CCSER1: variants seen among roughly 807,000 people sequenced by gnomAD.
The protein encoded by CCSER1 is coiled-coil serine rich protein 1, also known as serine-rich coiled-coil domain-containing protein 1.
Under a neutral mutation model 82.0 loss-of-function variants are expected in CCSER1, and 41 were observed. The observed-to-expected ratio is 0.50, with a 90% CI of 0.39 to 0.65. CCSER1 has a LOEUF of 0.65. Ranked by LOEUF, CCSER1 falls within the 30% of genes least tolerant of loss-of-function variation. The pLI is 0.00. For missense variants in CCSER1, 1,119 were observed against 1,064.2 expected, an observed-to-expected ratio of 1.05 and a Z score of -0.72; for synonymous variants, 414 against 383.9, an observed-to-expected ratio of 1.08 and a Z score of -0.92.
intron 4 of CCSER1, among the ~76,000 whole-genome samples, chr4:90,436,926 C>A (rs375584270): frequency 2.3e-4 from 35 of 152,072 alleles, no homozygotes; most frequent in East Asian, 1.6e-3. Flanking sequence ...CCTGCCTCAG[C>A]CTCCCGAGTA....
chr4:91,093,778 T>G (rs772767091), intron 10 of CCSER1, among the ~76,000 whole-genome samples: 2 of 152,204 alleles, frequency 1.3e-5, no homozygotes, highest in Non-Finnish European at 2.9e-5. Context: ...GTTTTTCCTT[T>G]AACTTGCAAA....
chr4:90,312,553 T>G (rs776031947), intron 2 of CCSER1, among the ~76,000 whole-genome samples: 2 of 151,992 alleles, frequency 1.3e-5, no homozygotes, highest in Non-Finnish European at 2.9e-5. Context: ...CCAGCATAGA[T>G]TTGGTCCAGG....
chr4:90,664,354 A>C (rs904024775), intron 6 of CCSER1, among the ~76,000 whole-genome samples: 13 of 152,152 alleles, frequency 8.5e-5, no homozygotes, highest in African/African-American at 3.1e-4. Context: ...TCATAGATTA[A>C]ATTTTAATTT....
chr4:90,340,675 A>C (rs1741221075), intron 3 of CCSER1, among the ~76,000 whole-genome samples: 1 of 152,122 alleles, frequency 6.6e-6, no homozygotes, highest in Non-Finnish European at 1.5e-5. Context: ...TGTGCTTTAC[A>C]ATTTGGCAAT....
At chr4:91,078,773 A>G (rs1300848795) in intron 9 of CCSER1, among the ~76,000 whole-genome samples, 2 of 152,248 alleles carry the variant, frequency 1.3e-5, no homozygotes, top group African/African-American at 4.8e-5. Flanking sequence ...CACGAGAACT[A>G]CGTGATGAAT....
At chr4:91,174,498 G>A (rs1733098133) in intron 10 of CCSER1, among the ~76,000 whole-genome samples, 2 of 152,024 alleles carry the variant, frequency 1.3e-5, no homozygotes, top group Admixed American at 6.6e-5. Context: ...AGGACATGCA[G>A]GTTTGTTACA....
chr4:90,439,412 A>C (rs1381576081), intron 4 of CCSER1, among the ~76,000 whole-genome samples: 1 of 152,236 alleles, frequency 6.6e-6, no homozygotes, highest in Non-Finnish European at 1.5e-5. Context: ...CTTTGAAAGA[A>C]TATATCTTAA....
intron 1 of CCSER1, among the ~76,000 whole-genome samples, chr4:90,152,401 A>G (rs892161881): frequency 6.6e-6 from 1 of 152,164 alleles, no homozygotes; most frequent in Non-Finnish European, 1.5e-5. Flanking sequence ...AAGTGAGCCA[A>G]GGTTCATCCC....
chr4:90,821,017 G>A (rs1759658952), intron 8 of CCSER1, among the ~76,000 whole-genome samples: 1 of 152,018 alleles, frequency 6.6e-6, no homozygotes, highest in African/African-American at 2.4e-5. Flanking sequence ...GTGTTTAATG[G>A]TTTTCATTCC....
At chr4:91,001,810 G>A (rs890657809) in intron 9 of CCSER1, among the ~76,000 whole-genome samples, 2 of 152,150 alleles carry the variant, frequency 1.3e-5, no homozygotes, top group South Asian at 2.1e-4. Context: ...TTTGTTGCCT[G>A]TATACCTTTT....
intron 4 of CCSER1, among the ~76,000 whole-genome samples, chr4:90,425,203 A>G (rs1757355112): frequency 2.0e-5 from 3 of 152,118 alleles, no homozygotes; most frequent in Admixed American, 1.3e-4. Context: ...ACTTTCTATC[A>G]TATAAACACT....
At chr4:91,275,915 C>A (rs1742394385) in intron 10 of CCSER1, among the ~76,000 whole-genome samples, 1 of 152,046 alleles carries the variant, frequency 6.6e-6, no homozygotes, top group African/African-American at 2.4e-5. Context: ...ATTGAAGGGA[C>A]TCCTTTACTC....
At chr4:90,432,970 A>T in intron 4 of CCSER1, among the ~76,000 whole-genome samples, 1 of 152,006 alleles carries the variant, frequency 6.6e-6, no homozygotes, top group East Asian at 1.9e-4. Flanking sequence ...CAGTTCTTAG[A>T]CTTTCTTCCT....
chr4:90,328,629 T>C (rs1481038573), intron 3 of CCSER1, among the ~76,000 whole-genome samples: 1 of 152,180 alleles, frequency 6.6e-6, no homozygotes, highest in Non-Finnish European at 1.5e-5. Context: ...TTGCGGGCAT[T>C]GTGCAAGCAG....
intron 10 of CCSER1, among the ~76,000 whole-genome samples, chr4:91,448,387 T>C (rs1755687497): frequency 6.6e-6 from 1 of 152,108 alleles, no homozygotes; most frequent in Non-Finnish European, 1.5e-5. Context: ...CTTAGCTCAA[T>C]AAACCATTTA....
At chr4:91,116,385 A>C (rs1224937084) in intron 10 of CCSER1, among the ~76,000 whole-genome samples, 1 of 152,176 alleles carries the variant, frequency 6.6e-6, no homozygotes, top group South Asian at 2.1e-4. Flanking sequence ...AAAGAGTAAC[A>C]GGAGAGCCTA....
chr4:91,545,832 G>A (rs1322729749), intron 10 of CCSER1, among the ~76,000 whole-genome samples: 1 of 152,114 alleles, frequency 6.6e-6, no homozygotes, highest in Admixed American at 6.6e-5. Context: ...GTTGAAAACA[G>A]TGGTGGTGTG....
chr4:91,514,577 G>A (rs1759998909), intron 10 of CCSER1, among the ~76,000 whole-genome samples: 1 of 152,024 alleles, frequency 6.6e-6, no homozygotes, highest in South Asian at 2.1e-4. Context: ...TGTTGTCCAG[G>A]TAAGCCTTTT....
rs557799366 is a variant in CCSER1, at chr4:91,230,200, G to T, written c.2217+144206G>T. ...ACTATACCACATAACCGAATAAATG[G>T]CACAAAAGTTGAATCCATTTAACTG... On this transcript the variant is annotated intron_variant, in intron 10 of 10. Coordinates refer to ENST00000509176, the MANE Select transcript of CCSER1 (RefSeq NM_001145065.2). Among the ~76,000 whole-genome samples the T allele has an allele frequency of 1.1e-3, 161 of 151,910 alleles. 2 individuals carry two copies. The highest frequency in any genetic ancestry group is 2.0e-3 in the Non-Finnish European group (134 of 67,934).
Sources: gnomAD v4.1 joint callset for allele counts (sites outside exome capture counted in the v4.1 genomes callset) on GRCh38, gnomAD v4.1.1 for gene constraint, MANE v1.5 for transcripts, NCBI Gene and HGNC (gene_info 2026-07-23, HGNC 2026-07-21) for gene names.